Variants in PTPRG observed in about 807,000 individuals in gnomAD.
PTPRG encodes the protein protein tyrosine phosphatase receptor type G.
A neutral mutation model predicts 165.3 loss-of-function variants in PTPRG; 102 were observed. The observed-to-expected ratio is 0.62, with a 90% CI of 0.53 to 0.73. The LOEUF is 0.73. Ranked by LOEUF, PTPRG falls within the 30% of genes least tolerant of loss-of-function variation. The pLI is 0.00. For missense variants in PTPRG, 1,866 were observed against 1,861.4 expected, an observed-to-expected ratio of 1.00 and a Z score of -0.05; for synonymous variants, 675 against 669.5, an observed-to-expected ratio of 1.01 and a Z score of -0.13.
intron 2 of PTPRG, among the ~76,000 whole-genome samples, chr3:61,988,882 C>G (rs1456662964): frequency 6.6e-6 from 1 of 152,158 alleles, no homozygotes; most frequent in Admixed American, 6.5e-5. Context: ...TGTATTTATA[C>G]CTGATTGGTA....
chr3:61,767,239 TCAAAAA>T (rs1267258256), intron 2 of PTPRG, among the ~76,000 whole-genome samples: 5 of 73,098 alleles, frequency 6.8e-5, no homozygotes, highest in East Asian at 5.1e-4. Flanking sequence ...AGATTCCATC[TCAAAAA>T]AAAAAAAAAA....
At chr3:62,199,867 T>G (rs1327575733) in intron 10 of PTPRG, among the ~76,000 whole-genome samples, 1 of 152,210 alleles carries the variant, frequency 6.6e-6, no homozygotes, top group Non-Finnish European at 1.5e-5. Context: ...CATTGACCGA[T>G]GAAGGGATAA....
intron 2 of PTPRG, among the ~76,000 whole-genome samples, chr3:61,933,088 A>G (rs1462606590): frequency 6.6e-6 from 1 of 152,196 alleles, no homozygotes; most frequent in Non-Finnish European, 1.5e-5. Context: ...GGGGTCCCCA[A>G]AGCAAATGTC....
At chr3:61,965,961 T>G (rs2040262010) in intron 2 of PTPRG, among the ~76,000 whole-genome samples, 1 of 152,218 alleles carries the variant, frequency 6.6e-6, no homozygotes, top group Admixed American at 6.5e-5. Context: ...CCGTGCAGTT[T>G]TGTTTTCAGG....
chr3:62,083,787 C>G (rs1450535434), intron 5 of PTPRG, among the ~76,000 whole-genome samples: 1 of 152,208 alleles, frequency 6.6e-6, no homozygotes, highest in East Asian at 1.9e-4. Context: ...CCATTAAATG[C>G]TTTCATCTAC....
rs28590335 is a variant in PTPRG at position 61,751,886 on chromosome 3, G to T, written c.190+2904G>T. Among the ~76,000 whole-genome samples, 925 of 152,162 alleles carry T rather than the reference G, an allele frequency of 6.1e-3. 10 individuals carry two copies. Among genetic ancestry groups the T allele is most frequent in the African/African-American group, 0.021 (883 of 41,524 alleles). The stretch of plus-strand genomic sequence containing the variant: ...TGGGCGCCTGTAGTCCCAGCTGCTG[G>T]GGAGGCTAAGGCAGCAGAATGGCAT... On this transcript the variant is annotated intron_variant, in intron 2 of 29. Transcript: ENST00000474889.
At chr3:61,954,799 C>T (rs770892703) in intron 2 of PTPRG, among the ~76,000 whole-genome samples, 16 of 152,264 alleles carry the variant, frequency 1.1e-4, no homozygotes, top group South Asian at 2.1e-4. Flanking sequence ...TAAGGATGAA[C>T]AGATGAGAAT....
chr3:61,993,028 GTATT>G (rs2107700618), intron 3 of PTPRG, among the ~76,000 whole-genome samples: 1 of 152,210 alleles, frequency 6.6e-6, no homozygotes, highest in South Asian at 2.1e-4. Flanking sequence ...GGAGAAATGA[GTATT>G]TATTTGCTCT....
chr3:61,926,188 A>G (rs1322078048), intron 2 of PTPRG, among the ~76,000 whole-genome samples: 6 of 152,138 alleles, frequency 3.9e-5, no homozygotes, highest in African/African-American at 1.2e-4. Context: ...AGTGGTTGGT[A>G]GCTGATATGG....
chr3:61,622,327 A>AG (rs1334670790), intron 1 of PTPRG, among the ~76,000 whole-genome samples: 1 of 152,212 alleles, frequency 6.6e-6, no homozygotes, highest in Admixed American at 6.5e-5. Flanking sequence ...AAGGTAAAGA[A>AG]GGGGGAGCTG....
intron 2 of PTPRG, among the ~76,000 whole-genome samples, chr3:61,933,232 C>G (rs570827920): frequency 6.6e-6 from 1 of 152,266 alleles, no homozygotes; most frequent in South Asian, 2.1e-4. Flanking sequence ...TAACAAAATC[C>G]TAAAAACCTG....
chr3:62,251,963 A>G (rs1701427767), intron 15 of PTPRG, among the ~76,000 whole-genome samples: 2 of 152,168 alleles, frequency 1.3e-5, no homozygotes, highest in Non-Finnish European at 2.9e-5. Context: ...GGTAACCAGT[A>G]AGGGCTTAAT....
chr3:62,050,819 C>T (rs1006579301), intron 4 of PTPRG, among the ~76,000 whole-genome samples: 13 of 152,138 alleles, frequency 8.5e-5, no homozygotes, highest in African/African-American at 2.9e-4. Context: ...AGCAAGCTGT[C>T]TTCTTGGGGT....
At chr3:61,648,049 A>G (rs1288121416) in intron 1 of PTPRG, among the ~76,000 whole-genome samples, 7 of 152,108 alleles carry the variant, frequency 4.6e-5, no homozygotes, top group Non-Finnish European at 8.8e-5. Flanking sequence ...GAAGCCCAAG[A>G]CAGGCTGCAA....
chr3:62,180,278 C>T (rs1559611356), intron 8 of PTPRG, among the ~76,000 whole-genome samples: 4 of 152,168 alleles, frequency 2.6e-5, no homozygotes, highest in Non-Finnish European at 4.4e-5. Context: ...TCTTGTGTTG[C>T]TAAGGGCAGC....
rs1346750855 is a variant in PTPRG at position 62,210,640 on chromosome 3, T to G, written c.2155+6690T>G. On this transcript the variant is annotated intron_variant, in intron 12 of 29. Coordinates refer to ENST00000474889, the MANE Select transcript of PTPRG (RefSeq NM_002841.4). The surrounding 1 kb of genome is among the most constrained non-coding windows in gnomAD (Gnocchi z 4.1). ...ACTTATACACGAGTTTTCTTCTGTC[T>G]CTGCTACCCCTGAGAGAGCAAGACC... is the stretch of plus-strand genomic sequence containing the variant. 6.6e-6 allele frequency among the ~76,000 whole-genome samples: 1 copy of G among 152,194 alleles called. No homozygotes were observed. The highest frequency in any genetic ancestry group is 1.9e-4 in the East Asian group (1 of 5,198).
At chr3:61,657,388 G>A (rs959076487) in intron 1 of PTPRG, among the ~76,000 whole-genome samples, 1 of 152,116 alleles carries the variant, frequency 6.6e-6, no homozygotes, top group Non-Finnish European at 1.5e-5. Context: ...TGCTTTTGAT[G>A]TTCTCCCAAA....
At chr3:61,671,907 C>T (rs980790102) in intron 1 of PTPRG, among the ~76,000 whole-genome samples, 9 of 146,584 alleles carry the variant, frequency 6.1e-5, no homozygotes, top group Non-Finnish European at 9.0e-5. Flanking sequence ...GCTGATCCCC[C>T]CACCTCCCTC....
At chr3:61,818,700 A>T (rs1391037489) in intron 2 of PTPRG, among the ~76,000 whole-genome samples, 1 of 152,092 alleles carries the variant, frequency 6.6e-6, no homozygotes, top group African/African-American at 2.4e-5. Flanking sequence ...AAAAAGTTGT[A>T]TAGAGGCTGC....
Sources: allele counts gnomAD v4.1 joint callset (sites outside exome capture counted in the v4.1 genomes callset), GRCh38; gene constraint gnomAD v4.1.1; non-coding constraint Gnocchi (gnomAD v3.1); transcripts MANE v1.5; gene names NCBI Gene and HGNC (gene_info 2026-07-23, HGNC 2026-07-21).